Variants in CCDC51 observed in about 807,000 individuals in gnomAD.
CCDC51 encodes the protein mitochondrial potassium channel.
CCDC51 carries 25 observed loss-of-function variants against 24.8 expected under a neutral mutation model. The observed-to-expected ratio is 1.01, with a 90% CI of 0.73 to 1.41. The LOEUF (loss-of-function observed/expected upper bound fraction) is 1.41, where lower values mean the gene tolerates loss of function less well. Among genes scored for constraint, CCDC51 ranks in the 40% most tolerant of loss-of-function variants. The pLI is 0.00. For missense variants in CCDC51, 466 were observed against 519.1 expected (o/e 0.90, Z 0.99); for synonymous variants, 190 against 204.3 (o/e 0.93, Z 0.60).
In CCDC51 at chr3:48,437,628, C is replaced by T. The variant is rs2039397548; in HGVS notation, c.-9+2360G>A. 6.6e-6 allele frequency among the ~76,000 whole-genome samples: 1 copy of T among 152,086 alleles called. No homozygotes were observed. The highest frequency in any genetic ancestry group is 6.6e-5 in the Admixed American group (1 of 15,262). On this transcript the variant is annotated intron_variant, in intron 1 of 3. Coordinates refer to ENST00000395694, the MANE Select transcript of CCDC51 (RefSeq NM_001256964.2). The surrounding 1 kb of genome is among the most constrained non-coding windows in gnomAD (Gnocchi z 4.2). ...TCCTGCCCCTTCAGATCCATTCTCC[C>T]GCTCTATGTAGATGGCTGTCTCCTA...
At position 48,432,964 on chromosome 3, in the gene CCDC51, A is replaced by C. The variant is rs2039229623; in HGVS notation, c.680T>G (p.Leu227Arg). Residue 227 changes from leucine (L) to arginine (R), a missense_variant, in exon 4 of 4, where the codon CTA becomes CGA. Transcript: ENST00000395694. ...AGSTYVNRVR[L>R]QELKALLLEA... ...CAGGAGTAAAGCCTTCAGCTCCTGT[A>C]GTCGCACACGGTTCACATAGGTGGA... The C allele has an allele frequency of 6.2e-7, 1 of 1,614,048 alleles. No homozygotes were observed. Among genetic ancestry groups the C allele is most frequent in the South Asian group, 1.1e-5 (1 of 91,086 alleles).
upstream of CCDC51, among the ~76,000 whole-genome samples, chr3:48,442,321 G>C (rs2039590269): frequency 6.6e-6 from 1 of 151,760 alleles, no homozygotes; most frequent in Admixed American, 6.6e-5. Context: ...GTGTATAGGG[G>C]AAAGAACAGT....
intron 1 of CCDC51, chr3:48,438,283 G>T (rs2039421355): frequency 1.3e-5 from 2 of 151,810 alleles, no homozygotes; most frequent in Admixed American, 6.6e-5. Context: ...CACATTGCAT[G>T]AATTACATGG....
At chr3:48,443,941 C>CT (rs1319215785), upstream of CCDC51, 2 of 1,256,408 alleles carry the variant, frequency 1.6e-6, no homozygotes, top group Non-Finnish European at 2.1e-6. Context: ...TTAAACCTCT[C>CT]TATTCCCTGC....
rs760498722 is a variant in CCDC51, at chr3:48,434,909, G to A, written c.220C>T (p.Arg74Ter). ...CAAGTCTTGGCTGTGGAGGTCGCTC[G>A]TTGCTGAATGCTGTGCCCCAGGGCT... is the stretch of plus-strand genomic sequence containing the variant. ...GRALGHSIQQRATSTAKTWWD... is the reference protein window; with the variant it reads ...GRALGHSIQQ The change falls in exon 2 of 4, where the codon CGA becomes TGA. Residue 74 changes from arginine to a stop codon, truncating the protein, a stop_gained. Transcript: ENST00000395694. LOFTEE classifies it high-confidence loss of function. 43 of 1,614,098 alleles carry A rather than the reference G, an allele frequency of 2.7e-5. No individual in the cohort carries two copies. Among genetic ancestry groups the A allele is most frequent in the East Asian group, 8.9e-5 (4 of 44,902 alleles).
intron 1 of CCDC51, among the ~76,000 whole-genome samples, chr3:48,436,417 A>G (rs1211374121): frequency 1.3e-5 from 2 of 152,186 alleles, no homozygotes; most frequent in East Asian, 3.9e-4. Context: ...GGGTAGAAAC[A>G]TGTCTTCTGG....
chr3:48,443,388 A>G (rs1205659334), upstream of CCDC51, among the ~76,000 whole-genome samples: 2 of 151,990 alleles, frequency 1.3e-5, no homozygotes, highest in African/African-American at 2.4e-5. Flanking sequence ...CTCCACTAAA[A>G]ATACAAAAAT....
At chr3:48,443,936 C>T (rs375880978), upstream of CCDC51, 1 of 1,293,736 alleles carries the variant, frequency 7.7e-7, no homozygotes, top group Non-Finnish European at 1.0e-6. Flanking sequence ...TGTATTTAAA[C>T]CTCTCTATTC....
chr3:48,441,108 CG>C (rs551525870), upstream of CCDC51: 25 of 155,646 alleles, frequency 1.6e-4, no homozygotes, highest in South Asian at 4.5e-3. Context: ...CTCCACCTTC[CG>C]GGTTCAAGCA....
chr3:48,440,242 T>TG (rs1290242823), upstream of CCDC51: 2 of 1,563,974 alleles, frequency 1.3e-6, no homozygotes, highest in African/African-American at 1.4e-5. Context: ...CGACAAAGGG[T>TG]GGGGCAGACG....
Position 48,435,063 on chromosome 3 carries a change from C to T in CCDC51, c.66G>A (p.Arg22=), listed in dbSNP as rs1269504422. ...AGAGGTCCCTTCCAAGGAGGCCCCT[C>T]CGAACCAGTACGTGGGGCACACCCA... ...HIVGVPHVLV[R]RGLLGRDLFM... Residue 22 remains arginine, a synonymous_variant, in exon 2 of 4, where the codon CGG becomes CGA. Coordinates refer to ENST00000395694, the MANE Select transcript of CCDC51 (RefSeq NM_001256964.2). This position sits in a 1 kb window ranked among gnomAD's most constrained non-coding sequence, Gnocchi z 4.2. The T allele has an allele frequency of 1.2e-6, 2 of 1,613,578 alleles. No homozygotes were observed. The highest frequency in any genetic ancestry group is 2.2e-5 in the South Asian group (2 of 91,038).
chr3:48,436,885 C>T (rs2039371731), intron 1 of CCDC51, among the ~76,000 whole-genome samples: 1 of 152,250 alleles, frequency 6.6e-6, no homozygotes, highest in South Asian at 2.1e-4. Context: ...CCCCCACCCC[C>T]ATGTTCTGCA....
chr3:48,442,218 G>A (rs1447501769), upstream of CCDC51, among the ~76,000 whole-genome samples: 4 of 149,442 alleles, frequency 2.7e-5, no homozygotes, highest in Admixed American at 6.7e-5. Context: ...CTGGGATTGC[G>A]CCACTGTATT....
rs890387703 is a variant in CCDC51 at position 48,433,955 on chromosome 3, G to C, written c.313-84C>G. The C allele has an allele frequency of 7.8e-6, 12 of 1,539,286 alleles. No individual in the cohort carries two copies. Among genetic ancestry groups the C allele is most frequent in the African/African-American group, 1.4e-5 (1 of 73,080 alleles). ...CTGCATTCCCAGCAAGGCATTCCCA[G>C]AAGAGGTCACTGGGGTGTGAGCTGC... is the stretch of plus-strand genomic sequence containing the variant. On this transcript the variant is annotated intron_variant, in intron 2 of 3. Transcript: ENST00000395694. The surrounding 1 kb of genome is among the most constrained non-coding windows in gnomAD (Gnocchi z 4.4).
At position 48,432,297 on chromosome 3, in the gene CCDC51, T is replaced by C. The variant is rs927094880; in HGVS notation, c.*111A>G. 1 of 1,297,332 alleles carries C rather than the reference T, an allele frequency of 7.7e-7. No individual in the cohort carries two copies. The highest frequency in any genetic ancestry group is 1.1e-6 in the Non-Finnish European group (1 of 934,068). 80.4% of individuals were successfully genotyped at this position (1,297,332 alleles called of 1,614,324 possible). A position where few individuals can be genotyped will look rare whatever the true frequency, so the allele number is the denominator to read the frequency against. On this transcript the variant is annotated 3_prime_UTR_variant, in exon 4 of 4. Transcript: ENST00000395694. ...TGGTGAGCCACACAGATACTGCTCC[T>C]TCAGATTGAGGTTGTACATGCCCCC...
In CCDC51 at chr3:48,434,941, A is replaced by G. The variant is rs1467544709; in HGVS notation, c.188T>C (p.Leu63Pro). ...AATGCTGTGCCCCAGGGCTCTTCCC[A>G]GTGCTGGGAGGCGGTGGTGCAGCCC... is the stretch of plus-strand genomic sequence containing the variant. ...ALGLHHRLPA[L>P]GRALGHSIQQ... Residue 63 changes from leucine to proline, a missense_variant, in exon 2 of 4, where the codon CTG (leucine) becomes CCG (proline). By Grantham distance (98) the Leu-to-Pro change is moderately conservative (BLOSUM62 -3). Transcript: ENST00000395694. 2 of 1,614,178 alleles carry G rather than the reference A, an allele frequency of 1.2e-6. No homozygotes were observed. Among genetic ancestry groups the G allele is most frequent in the Admixed American group, 1.7e-5 (1 of 60,032 alleles).
chr3:48,444,509 G>C (rs1268210709), upstream of CCDC51, among the ~76,000 whole-genome samples: 1 of 152,184 alleles, frequency 6.6e-6, no homozygotes, highest in African/African-American at 2.4e-5. Context: ...CTGACCTCAA[G>C]TGATCTGCCT....
At chr3:48,445,415 T>G (rs1272843126), upstream of CCDC51, among the ~76,000 whole-genome samples, 1 of 152,138 alleles carries the variant, frequency 6.6e-6, no homozygotes, top group Non-Finnish European at 1.5e-5. Context: ...CTCCAGAAAG[T>G]TGCACAGCCA....
At chr3:48,445,527 T>C in the CCDC51 span, among the ~76,000 whole-genome samples, 2 of 152,218 alleles carry the variant, frequency 1.3e-5, no homozygotes, top group African/African-American at 2.4e-5. Context: ...TGATTCACAC[T>C]GTTCCTGAAA....
Sources: gnomAD v4.1 joint callset for allele counts (sites outside exome capture counted in the v4.1 genomes callset) on GRCh38, gnomAD v4.1.1 for gene constraint, Gnocchi (gnomAD v3.1) non-coding constraint, MANE v1.5 for transcripts, NCBI Gene and HGNC (gene_info 2026-07-23, HGNC 2026-07-21) for gene names.